GALNT13: variants seen among roughly 807,000 people sequenced by gnomAD.
GALNT13 encodes the protein UDP-GalNAc:polypeptide N-acetylgalactosaminyltransferase 13.
In GALNT13, 28 loss-of-function variants were observed where a neutral mutation model predicts 64.2. The ratio of observed to expected loss-of-function variants is 0.44; its 90% CI spans 0.32 to 0.60. GALNT13 has a LOEUF of 0.60. GALNT13 is among the 20% of genes least tolerant of loss of function. The pLI is 0.05. For missense variants in GALNT13, 577 were observed against 669.8 expected (o/e 0.86, Z 1.53); for synonymous variants, 214 against 224.6 (o/e 0.95, Z 0.42).
At chr2:153,431,153 A>C in the GALNT13 span, among the ~76,000 whole-genome samples, 4 of 152,166 alleles carry the variant, frequency 2.6e-5, no homozygotes, top group South Asian at 2.1e-4. Flanking sequence ...CTGTCAAAAA[A>C]AAAAAAAAAC....
the GALNT13 span, among the ~76,000 whole-genome samples, chr2:153,385,125 G>GTTT: frequency 6.6e-6 from 1 of 152,008 alleles, no homozygotes; most frequent in South Asian, 2.1e-4. Context: ...GAATAGTTTG[G>GTTT]AGGTTCCTCA....
chr2:153,685,836 T>G, the GALNT13 span, among the ~76,000 whole-genome samples: 1 of 152,000 alleles, frequency 6.6e-6, no homozygotes, highest in East Asian at 1.9e-4. Context: ...TTATAAGGTA[T>G]AAGGAAGGGG....
the GALNT13 span, among the ~76,000 whole-genome samples, chr2:153,110,678 T>C: frequency 0.12 from 18,588 of 152,130 alleles, 1,343 homozygotes; most frequent in East Asian, 0.25. Context: ...TCTCTGGGAT[T>C]ACAGCTTTCA....
At chr2:153,562,087 T>C in the GALNT13 span, among the ~76,000 whole-genome samples, 1 of 150,526 alleles carries the variant, frequency 6.6e-6, no homozygotes, top group African/African-American at 2.4e-5. Flanking sequence ...TGTGTGTGTG[T>C]GTGTGTGTGT....
the GALNT13 span, among the ~76,000 whole-genome samples, chr2:153,533,239 A>G: frequency 6.6e-6 from 1 of 151,712 alleles, no homozygotes; most frequent in African/African-American, 2.4e-5. Context: ...AGAGGCATTT[A>G]TTTATTCTGC....
intron 3 of GALNT13, among the ~76,000 whole-genome samples, chr2:154,071,052 T>C (rs1304389961): frequency 6.6e-6 from 1 of 152,148 alleles, no homozygotes; most frequent in East Asian, 1.9e-4. Flanking sequence ...CTGTATTTGG[T>C]TGTCTTTTCT....
At chr2:154,031,099 T>C (rs1487139105) in intron 3 of GALNT13, among the ~76,000 whole-genome samples, 1 of 152,146 alleles carries the variant, frequency 6.6e-6, no homozygotes. Flanking sequence ...TTATCTTACA[T>C]GTAAAAATAA....
intron 7 of GALNT13, among the ~76,000 whole-genome samples, chr2:154,249,095 T>C (rs1244672604): frequency 6.6e-6 from 1 of 152,160 alleles, no homozygotes; most frequent in Non-Finnish European, 1.5e-5. Context: ...ATAATGCAAA[T>C]AATACTCTAG....
intron 4 of GALNT13, among the ~76,000 whole-genome samples, chr2:154,155,615 A>G (rs1357965245): frequency 6.6e-6 from 1 of 152,014 alleles, no homozygotes; most frequent in African/African-American, 2.4e-5. Flanking sequence ...ATAGTAAGAC[A>G]TAGTTTTGTT....
chr2:154,267,834 T>G (rs1691103583), intron 8 of GALNT13, among the ~76,000 whole-genome samples: 1 of 152,096 alleles, frequency 6.6e-6, no homozygotes, highest in African/African-American at 2.4e-5. Flanking sequence ...CAAAATAACT[T>G]GAATAGACAC....
chr2:154,189,708 A>T (rs1686464643), intron 4 of GALNT13, among the ~76,000 whole-genome samples: 1 of 152,174 alleles, frequency 6.6e-6, no homozygotes, highest in Non-Finnish European at 1.5e-5. Flanking sequence ...TGAAATGGTA[A>T]ACATAACAGT....
the GALNT13 span, among the ~76,000 whole-genome samples, chr2:153,630,796 TATATATATATA>T: frequency 9.6e-4 from 13 of 13,484 alleles, no homozygotes; most frequent in South Asian, 5.7e-3. Flanking sequence ...TATATATATA[TATATATATATA>T]TTTTTTTTTT....
chr2:153,891,712 A>AGAGG (rs1209220562), intron 1 of GALNT13, among the ~76,000 whole-genome samples: 1 of 152,126 alleles, frequency 6.6e-6, no homozygotes, highest in Non-Finnish European at 1.5e-5. Context: ...CATTGTCAAT[A>AGAGG]GAGGGATCTC....
At chr2:154,325,033 T>G (rs1043165653) in intron 9 of GALNT13, among the ~76,000 whole-genome samples, 6 of 152,092 alleles carry the variant, frequency 3.9e-5, no homozygotes, top group East Asian at 1.9e-4. Context: ...GAGCTCTGCA[T>G]GCAGTGGCAC....
the GALNT13 span, among the ~76,000 whole-genome samples, chr2:153,377,805 A>C: frequency 6.6e-6 from 1 of 152,184 alleles, no homozygotes; most frequent in African/African-American, 2.4e-5. Context: ...CAATAATTAA[A>C]ATGTGCATTC....
At chr2:154,296,825 G>T (rs1333226721) in intron 8 of GALNT13, among the ~76,000 whole-genome samples, 1 of 151,964 alleles carries the variant, frequency 6.6e-6, no homozygotes, top group African/African-American at 2.4e-5. Context: ...GAATGTGTAG[G>T]TTTGTTACAT....
At chr2:153,252,615 T>G in the GALNT13 span, among the ~76,000 whole-genome samples, 4 of 152,242 alleles carry the variant, frequency 2.6e-5, no homozygotes, top group Non-Finnish European at 2.9e-5. Flanking sequence ...GTCTAACCTG[T>G]AAGTCTTTAA....
At chr2:153,968,058 G>A (rs1693492898) in intron 3 of GALNT13, among the ~76,000 whole-genome samples, 1 of 152,094 alleles carries the variant, frequency 6.6e-6, no homozygotes, top group South Asian at 2.1e-4. Context: ...GGAGGGATAT[G>A]ACACGGGCAC....
At chr2:153,858,336 T>C in the GALNT13 span, among the ~76,000 whole-genome samples, 1 of 152,214 alleles carries the variant, frequency 6.6e-6, no homozygotes, top group African/African-American at 2.4e-5. Flanking sequence ...AGGACTCTGA[T>C]ATTTACTCAG....
Sources: gnomAD v4.1 joint callset for allele counts (sites outside exome capture counted in the v4.1 genomes callset) on GRCh38, gnomAD v4.1.1 for gene constraint, MANE v1.5 for transcripts, NCBI Gene and HGNC (gene_info 2026-07-23, HGNC 2026-07-21) for gene names.